The following FHOD3 variants were observed in gnomAD, a reference collection of about 807,000 sequenced individuals.
FHOD3 encodes the protein formin homology 2 domain containing 3.
Under a neutral mutation model 173.0 loss-of-function variants are expected in FHOD3, and 90 were observed. The observed-to-expected ratio is 0.52, with a 90% CI of 0.44 to 0.62. The LOEUF (loss-of-function observed/expected upper bound fraction) is 0.62. Ranked by LOEUF, FHOD3 falls within the 20% of genes least tolerant of loss-of-function variation. The pLI, the probability that FHOD3 is intolerant of heterozygous loss-of-function variation, is 0.00. For missense variants in FHOD3, 1,945 were observed against 2,034.7 expected (o/e 0.96, Z 0.85); for synonymous variants, 828 against 823.0 (o/e 1.01, Z -0.10).
chr18:36,668,588 C>A (rs2037333434), intron 14 of FHOD3, among the ~76,000 whole-genome samples: 1 of 151,808 alleles, frequency 6.6e-6, no homozygotes, highest in South Asian at 2.1e-4. Flanking sequence ...TGATTTGAGA[C>A]TTTTTATCTT....
intron 13 of FHOD3, among the ~76,000 whole-genome samples, chr18:36,657,190 C>T (rs2036483852): frequency 1.3e-5 from 2 of 152,162 alleles, no homozygotes; most frequent in Admixed American, 1.3e-4. Flanking sequence ...TACAGTGTCC[C>T]TAACCAGTTC....
At chr18:36,598,636 T>A (rs1425258127) in intron 7 of FHOD3, among the ~76,000 whole-genome samples, 1 of 152,008 alleles carries the variant, frequency 6.6e-6, no homozygotes, top group African/African-American at 2.4e-5. Context: ...CACTGCAAGC[T>A]CCACCTCTGC....
chr18:36,449,487 C>T (rs1444544134), intron 3 of FHOD3, among the ~76,000 whole-genome samples: 1 of 152,176 alleles, frequency 6.6e-6, no homozygotes, highest in Non-Finnish European at 1.5e-5. Context: ...AGACAGAAAG[C>T]AGAATTGGAA....
chr18:36,530,296 C>G (rs747263432), intron 5 of FHOD3, among the ~76,000 whole-genome samples: 20 of 152,172 alleles, frequency 1.3e-4, no homozygotes, highest in Non-Finnish European at 1.6e-4. Context: ...GCACCTTCTC[C>G]CCACCTGGCT....
At chr18:36,534,419 A>G (rs2056909147) in intron 5 of FHOD3, among the ~76,000 whole-genome samples, 1 of 152,190 alleles carries the variant, frequency 6.6e-6, no homozygotes, top group Non-Finnish European at 1.5e-5. Flanking sequence ...CCTGAGAGGA[A>G]CTGGTCCCCA....
chr18:36,561,056 A>G (rs2058066441), intron 5 of FHOD3, among the ~76,000 whole-genome samples: 1 of 152,080 alleles, frequency 6.6e-6, no homozygotes, highest in Non-Finnish European at 1.5e-5. Flanking sequence ...CATTTGTGAT[A>G]TCTAAGATGT....
chr18:36,530,967 A>G (rs2056756133), intron 5 of FHOD3, among the ~76,000 whole-genome samples: 1 of 152,082 alleles, frequency 6.6e-6, no homozygotes. Context: ...TCCTTGGCCT[A>G]TTTCCACTGG....
At chr18:36,536,019 G>A (rs55995665) in intron 5 of FHOD3, among the ~76,000 whole-genome samples, 42,143 of 152,060 alleles carry the variant, frequency 0.28, 6,361 homozygotes, top group Middle Eastern at 0.37. Flanking sequence ...CCAATGATAT[G>A]AATGAAATTT....
chr18:36,728,771 G>T (rs2149891749), intron 19 of FHOD3, among the ~76,000 whole-genome samples: 1 of 152,272 alleles, frequency 6.6e-6, no homozygotes, highest in East Asian at 1.9e-4. Context: ...TTCTCTAGAT[G>T]GCTTGGCTGC....
At chr18:36,758,350 G>T (rs528429362) in intron 25 of FHOD3, among the ~76,000 whole-genome samples, 6 of 152,206 alleles carry the variant, frequency 3.9e-5, no homozygotes, top group African/African-American at 1.4e-4. Context: ...TCAAGAGATT[G>T]ACATGACTTT....
intron 5 of FHOD3, among the ~76,000 whole-genome samples, chr18:36,547,606 A>G (rs2057464228): frequency 6.6e-6 from 1 of 152,192 alleles, no homozygotes; most frequent in Non-Finnish European, 1.5e-5. Context: ...GACAAGGAAC[A>G]TAAGCATTTA....
intron 1 of FHOD3, among the ~76,000 whole-genome samples, chr18:36,324,713 T>C (rs1255209068): frequency 6.6e-6 from 1 of 152,184 alleles, no homozygotes; most frequent in African/African-American, 2.4e-5. Flanking sequence ...CGTGATAATC[T>C]TAAGGGTTGG....
At chr18:36,556,944 A>C (rs536862311) in intron 5 of FHOD3, among the ~76,000 whole-genome samples, 105 of 152,272 alleles carry the variant, frequency 6.9e-4, no homozygotes, top group African/African-American at 2.5e-3. Context: ...ACCTGGTATA[A>C]AATTCTAGGA....
chr18:36,766,741 A>T lies in FHOD3; in HGVS notation c.4625-2524A>T, dbSNP rs185454812. Among the ~76,000 whole-genome samples, 213 of 152,328 alleles carry T rather than the reference A, an allele frequency of 1.4e-3. 1 individual carries two copies. Among genetic ancestry groups the T allele is most frequent in the African/African-American group, 4.9e-3 (202 of 41,568 alleles). On this transcript the variant is annotated intron_variant, in intron 27 of 28. Coordinates refer to ENST00000590592, the MANE Select transcript of FHOD3 (RefSeq NM_001281740.3). The stretch of plus-strand genomic sequence containing the variant: ...GTTTCCTTTAAGCATCTCCTGACAC[A>T]TTACATTGACAGAAGATCCCTGGGA...
chr18:36,452,802 C>T (rs185779518), intron 3 of FHOD3, among the ~76,000 whole-genome samples: 1 of 151,704 alleles, frequency 6.6e-6, no homozygotes, highest in Admixed American at 6.6e-5. Context: ...AATAATAATT[C>T]ATTGTGTGTG....
chr18:36,558,639 G>A (rs1421417310), intron 5 of FHOD3, among the ~76,000 whole-genome samples: 2 of 152,124 alleles, frequency 1.3e-5, no homozygotes. Flanking sequence ...TTTGTAATGA[G>A]AAATTAGAAG....
At chr18:36,655,461 C>T (rs527477582) in intron 13 of FHOD3, among the ~76,000 whole-genome samples, 2 of 152,116 alleles carry the variant, frequency 1.3e-5, no homozygotes, top group Admixed American at 6.5e-5. Flanking sequence ...ATAAGCTGTC[C>T]AGTTGAAGAT....
chr18:36,467,281 C>T (rs1433324071), intron 3 of FHOD3, among the ~76,000 whole-genome samples: 3 of 152,216 alleles, frequency 2.0e-5, no homozygotes, highest in East Asian at 1.9e-4. Flanking sequence ...CTGTCAGCCC[C>T]TCCATGGCAT....
intron 5 of FHOD3, among the ~76,000 whole-genome samples, chr18:36,549,903 T>C (rs1172492893): frequency 1.3e-5 from 2 of 150,210 alleles, no homozygotes; most frequent in African/African-American, 4.9e-5. Context: ...TTTACTCCCA[T>C]TTTTTTTTCT....
Sources: allele counts gnomAD v4.1 joint callset (sites outside exome capture counted in the v4.1 genomes callset), GRCh38; gene constraint gnomAD v4.1.1; transcripts MANE v1.5; gene names NCBI Gene and HGNC (gene_info 2026-07-23, HGNC 2026-07-21).